MAF: variants seen among roughly 807,000 people sequenced by gnomAD.
The protein encoded by MAF is transcription factor Maf.
A neutral mutation model predicts 22.0 loss-of-function variants in MAF; 10 were observed. That is an observed-to-expected ratio of 0.45 (90% CI 0.28 to 0.77). The LOEUF (loss-of-function observed/expected upper bound fraction) is 0.77. Ranked by LOEUF, MAF falls within the 30% of genes least tolerant of loss-of-function variation. MAF has a pLI of 0.12. For synonymous variants in MAF, 337 were observed against 255.8 expected (o/e 1.32, Z -3.03); for missense variants, 544 against 548.4 (o/e 0.99, Z 0.08).
At chr16:79,571,232 G>T in the MAF span, among the ~76,000 whole-genome samples, 1 of 152,124 alleles carries the variant, frequency 6.6e-6, no homozygotes, top group Non-Finnish European at 1.5e-5. Context: ...TGTCCCAGGG[G>T]GATGAGCGGG....
At chr16:79,234,812 C>T in the MAF span, among the ~76,000 whole-genome samples, 2 of 152,100 alleles carry the variant, frequency 1.3e-5, no homozygotes, top group South Asian at 2.1e-4. Flanking sequence ...TCTGATTCAG[C>T]CACCTGAGTC....
At chr16:79,482,345 T>C in the MAF span, among the ~76,000 whole-genome samples, 1 of 152,162 alleles carries the variant, frequency 6.6e-6, no homozygotes, top group Non-Finnish European at 1.5e-5. Flanking sequence ...ACCTCTCCAG[T>C]GTTCCAGGAG....
the MAF span, among the ~76,000 whole-genome samples, chr16:79,290,371 G>C: frequency 5.9e-4 from 90 of 152,314 alleles, 1 homozygote; most frequent in Non-Finnish European, 9.1e-4. Context: ...CCCAGGACTA[G>C]TTACATGGGT....
the MAF span, among the ~76,000 whole-genome samples, chr16:79,545,189 A>T: frequency 0.019 from 2,878 of 152,290 alleles, 101 homozygotes; most frequent in African/African-American, 0.065. Context: ...GAGGAAAAAA[A>T]AGTGAGAAAG....
Position 79,600,058 on chromosome 16 carries a change from G to A in MAF, c.-156C>T. 1 of 984,864 alleles carries A rather than the reference G, an allele frequency of 1.0e-6. No homozygotes were observed. The highest frequency in any genetic ancestry group is 1.5e-6 in the Non-Finnish European group (1 of 673,202). The allele number at this position is 984,864 out of a possible 1,614,324, so 61.0% of individuals were successfully genotyped here. A position where few individuals can be genotyped will look rare whatever the true frequency, so the allele number is the denominator to read the frequency against. The stretch of plus-strand genomic sequence containing the variant: ...GGTGGCTGGCCCGAAACCTCCGAGC[G>A]CGCTCACACACACACCCCCCCGCCC... On this transcript the variant is annotated 5_prime_UTR_variant, in exon 1 of 2. Coordinates refer to ENST00000326043, the MANE Select transcript of MAF (RefSeq NM_005360.5).
the MAF span, among the ~76,000 whole-genome samples, chr16:79,247,089 G>T: frequency 6.6e-6 from 1 of 152,180 alleles, no homozygotes; most frequent in African/African-American, 2.4e-5. Context: ...GCCGGGCAAG[G>T]GCATTAAAGC....
At chr16:79,373,359 C>CTGTTTTT in the MAF span, among the ~76,000 whole-genome samples, 1 of 33,300 alleles carries the variant, frequency 3.0e-5, no homozygotes, top group Non-Finnish European at 6.2e-5. Context: ...GGACTGGTAG[C>CTGTTTTT]TTTTTTTTTT....
the MAF span, among the ~76,000 whole-genome samples, chr16:79,326,196 C>T: frequency 6.6e-6 from 1 of 152,052 alleles, no homozygotes; most frequent in African/African-American, 2.4e-5. Context: ...GCCTATTTCC[C>T]CTTGTTTCCA....
At chr16:79,326,207 G>A in the MAF span, among the ~76,000 whole-genome samples, 1 of 152,072 alleles carries the variant, frequency 6.6e-6, no homozygotes, top group Non-Finnish European at 1.5e-5. Context: ...CTTGTTTCCA[G>A]AATTTATGCC....
the MAF span, among the ~76,000 whole-genome samples, chr16:79,552,214 T>G: frequency 7.7e-6 from 1 of 130,018 alleles, no homozygotes; most frequent in Non-Finnish European, 1.8e-5. Context: ...TCTGCTGCTC[T>G]CTCTTCTTTT....
At chr16:79,382,047 T>G in the MAF span, among the ~76,000 whole-genome samples, 3 of 152,212 alleles carry the variant, frequency 2.0e-5, no homozygotes, top group Non-Finnish European at 4.4e-5. Context: ...TCTCTTCCAC[T>G]TACTTTAGGT....
At chr16:79,582,818 G>C (rs1222339451), downstream of MAF, among the ~76,000 whole-genome samples, 1 of 152,300 alleles carries the variant, frequency 6.6e-6, no homozygotes, top group Non-Finnish European at 1.5e-5. Flanking sequence ...ACAGCAGAGA[G>C]CATTCTCCTT....
the MAF span, among the ~76,000 whole-genome samples, chr16:79,287,927 C>A: frequency 1.9e-4 from 29 of 152,318 alleles, no homozygotes; most frequent in African/African-American, 6.3e-4. Flanking sequence ...CCCTCCTCAT[C>A]GTAGCTCCGA....
At chr16:79,409,037 TG>T in the MAF span, among the ~76,000 whole-genome samples, 22 of 33,414 alleles carry the variant, frequency 6.6e-4, no homozygotes, top group African/African-American at 2.6e-3. Context: ...GGTGGGTGGG[TG>T]GGGGAGTCAC....
the MAF span, among the ~76,000 whole-genome samples, chr16:79,410,278 T>G: frequency 3.9e-5 from 6 of 152,270 alleles, no homozygotes; most frequent in African/African-American, 7.2e-5. Flanking sequence ...CTGTTGTGAT[T>G]CTGGGAGCTG....
downstream of MAF, chr16:79,585,752 C>G (rs532331865): frequency 1.8e-6 from 1 of 565,818 alleles, no homozygotes; most frequent in African/African-American, 1.9e-5. Flanking sequence ...GAAACAGGAA[C>G]TTTTCACACC....
the MAF span, among the ~76,000 whole-genome samples, chr16:79,273,318 C>G: frequency 6.6e-6 from 1 of 152,154 alleles, no homozygotes; most frequent in Non-Finnish European, 1.5e-5. Flanking sequence ...AGTTCCATGA[C>G]TCGAAAAAGG....
chr16:79,360,276 C>G, the MAF span, among the ~76,000 whole-genome samples: 1 of 152,226 alleles, frequency 6.6e-6, no homozygotes, highest in African/African-American at 2.4e-5. Flanking sequence ...ATCCACCTGT[C>G]TCTGCTCTCC....
the MAF span, among the ~76,000 whole-genome samples, chr16:79,344,222 A>G: frequency 6.6e-6 from 1 of 152,206 alleles, no homozygotes; most frequent in East Asian, 1.9e-4. Context: ...GAGTCCTTCT[A>G]TTTACTTTGC....
Sources: allele counts gnomAD v4.1 joint callset (sites outside exome capture counted in the v4.1 genomes callset), GRCh38; gene constraint gnomAD v4.1.1; transcripts MANE v1.5; gene names NCBI Gene and HGNC (gene_info 2026-07-23, HGNC 2026-07-21).